Variants in ECPAS observed in about 807,000 individuals in gnomAD.
ECPAS encodes the protein proteasome adapter and scaffold protein ECM29.
ECPAS carries 70 observed loss-of-function variants against 255.1 expected under a neutral mutation model. That is an observed-to-expected ratio of 0.27 (90% confidence interval 0.23 to 0.33). ECPAS has a LOEUF of 0.33. Ranked by LOEUF, ECPAS falls within the 10% of genes least tolerant of loss-of-function variation. ECPAS has a pLI of 1.00. For missense variants in ECPAS, 1,817 were observed against 2,206.4 expected (o/e 0.82, Z 3.54); for synonymous variants, 784 against 775.0 (o/e 1.01, Z -0.19).
chr9:111,434,744 G>A (rs1053996690), intron 7 of ECPAS, among the ~76,000 whole-genome samples: 6 of 151,390 alleles, frequency 4.0e-5, no homozygotes, highest in East Asian at 1.9e-4. Context: ...CACACACACC[G>A]CCATGCCCGG....
intron 6 of ECPAS, among the ~76,000 whole-genome samples, chr9:111,437,830 TA>T (rs2098240340): frequency 6.6e-6 from 1 of 152,176 alleles, no homozygotes; most frequent in Non-Finnish European, 1.5e-5. Context: ...TTGATCCAAT[TA>T]AACTGGTATT....
At chr9:111,391,912 A>G in intron 28 of ECPAS, 88 bp from the exon 29 acceptor site, 1 of 912,504 alleles carries the variant, frequency 1.1e-6, no homozygotes, top group East Asian at 2.6e-5. Flanking sequence ...AAGTGATAAA[A>G]CTTCCTATCA....
chr9:111,396,017 C>T (rs918287280), intron 25 of ECPAS, among the ~76,000 whole-genome samples: 8 of 152,270 alleles, frequency 5.3e-5, no homozygotes, highest in South Asian at 4.1e-4. Flanking sequence ...AATAGGTGAA[C>T]GCATTACCGT....
chr9:111,377,707 T>A (rs2098135014), intron 36 of ECPAS, among the ~76,000 whole-genome samples: 1 of 152,198 alleles, frequency 6.6e-6, no homozygotes, highest in Admixed American at 6.5e-5. Flanking sequence ...AAAAAGGAAT[T>A]TGAGAGAAGG....
At chr9:111,388,820 C>T (rs1810878250) in intron 31 of ECPAS, among the ~76,000 whole-genome samples, 1 of 151,936 alleles carries the variant, frequency 6.6e-6, no homozygotes, top group African/African-American at 2.4e-5. Context: ...TAAAGTATGA[C>T]ACCAAGTTTT....
chr9:111,386,043 T>C (rs1311927688), intron 32 of ECPAS, among the ~76,000 whole-genome samples: 1 of 152,196 alleles, frequency 6.6e-6, no homozygotes, highest in Non-Finnish European at 1.5e-5. Context: ...CACTGCAACC[T>C]CTGCCCCCTG....
At chr9:111,414,994 AACG>A (rs2098200973) in intron 18 of ECPAS, among the ~76,000 whole-genome samples, 2 of 152,170 alleles carry the variant, frequency 1.3e-5, no homozygotes, top group African/African-American at 2.4e-5. Context: ...AGAACTTCTG[AACG>A]CAAAGAAGCA....
chr9:111,443,283 C>T (rs1312126897), intron 4 of ECPAS, among the ~76,000 whole-genome samples: 1 of 152,196 alleles, frequency 6.6e-6, no homozygotes, highest in Admixed American at 6.5e-5. Context: ...CAGAGTCTCG[C>T]TCTGTCACCC....
intron 15 of ECPAS, 114 bp downstream of exon 15, chr9:111,421,807 C>A (rs1475940092): frequency 6.5e-6 from 8 of 1,238,238 alleles, no homozygotes; most frequent in Non-Finnish European, 8.9e-6. Context: ...TCCTAAATCA[C>A]AGCCCAAGTG....
chr9:111,448,919 T>A lies in ECPAS; in HGVS notation c.153+2506A>T, dbSNP rs528434625. 2.8e-4 allele frequency among the ~76,000 whole-genome samples: 42 copies of A among 151,942 alleles called. 1 individual carries two copies. The highest frequency in any genetic ancestry group is 3.9e-4 in the Admixed American group (6 of 15,286). ...AGAGAAATTCATAAGCTGAGGTCATTTTTGGTTCTTTTTTTTTAACATACT... is the reference window on the plus strand; with the variant it reads ...AGAGAAATTCATAAGCTGAGGTCATATTTGGTTCTTTTTTTTTAACATACT... On this transcript the variant is annotated intron_variant, in intron 3 of 49. Transcript: ENST00000684092.
At chr9:111,416,497 AC>A in intron 17 of ECPAS, 145 bp from the exon 18 acceptor site, 1 of 640,282 alleles carries the variant, frequency 1.6e-6, no homozygotes, top group Non-Finnish European at 2.8e-6. Flanking sequence ...TTTCCTATTA[AC>A]CATGCTGATC....
intron 7 of ECPAS, among the ~76,000 whole-genome samples, chr9:111,435,438 C>T (rs2098236574): frequency 6.6e-6 from 1 of 152,042 alleles, no homozygotes; most frequent in South Asian, 2.1e-4. Flanking sequence ...TGTAATTGAA[C>T]AATAACAATT....
chr9:111,408,563 A>AT lies in ECPAS; in HGVS notation c.2652+7dup. 1 of 1,482,912 alleles carries AT rather than the reference A, an allele frequency of 6.7e-7. No homozygotes were observed. Among genetic ancestry groups the AT allele is most frequent in the Non-Finnish European group, 9.0e-7 (1 of 1,111,442 alleles). The allele number at this position is 1,482,912 out of a possible 1,614,324, so 91.9% of individuals were successfully genotyped here. On this transcript the variant is annotated splice_region_variant and intron_variant, in intron 24 of 49. Coordinates refer to ENST00000684092, the MANE Select transcript of ECPAS (RefSeq NM_001364929.1). ...GAATAACTAACAATCAGGTAGCAATATAAATACCTCCACAGAATCCATCAG... is the reference window on the plus strand; with the variant it reads ...GAATAACTAACAATCAGGTAGCAATATTAAATACCTCCACAGAATCCATCAG...
chr9:111,465,384 A>T (rs2098278241), intron 2 of ECPAS, among the ~76,000 whole-genome samples: 1 of 151,922 alleles, frequency 6.6e-6, no homozygotes, highest in Non-Finnish European at 1.5e-5. Context: ...TACTTAAAAT[A>T]AAAAAATTAG....
Position 111,426,966 on chromosome 9 carries a change from C to T in ECPAS, c.1050+1076G>A, listed in dbSNP as rs1001651043. Among the ~76,000 whole-genome samples, 4 of 152,040 alleles carry T rather than the reference C, an allele frequency of 2.6e-5. No homozygotes were observed. The South Asian group carries it at 6.2e-4, about 24-fold the overall frequency. ...CCAGTCTGGGTGGCACAGAAAGACT[C>T]CGTCTCCAAAAAAACCACAAAAAGA... On this transcript the variant is annotated intron_variant, in intron 10 of 49. Coordinates refer to ENST00000684092, the MANE Select transcript of ECPAS (RefSeq NM_001364929.1).
chr9:111,466,616 TACACACACACACACACAC>T (rs55763374), intron 2 of ECPAS, among the ~76,000 whole-genome samples: 17 of 143,502 alleles, frequency 1.2e-4, no homozygotes, highest in Middle Eastern at 3.6e-3. Flanking sequence ...AATAACTAAA[TACACACACACACACACAC>T]ACACACACAC....
At chr9:111,463,888 T>C (rs944264780) in intron 2 of ECPAS, among the ~76,000 whole-genome samples, 1 of 152,266 alleles carries the variant, frequency 6.6e-6, no homozygotes, top group Middle Eastern at 3.4e-3. Flanking sequence ...AAGACATCTC[T>C]AGCAAAGTTG....
At chr9:111,452,146 A>C (rs2098261089) in intron 2 of ECPAS, among the ~76,000 whole-genome samples, 1 of 152,214 alleles carries the variant, frequency 6.6e-6, no homozygotes, top group South Asian at 2.1e-4. Context: ...AGTACACTGC[A>C]GCGGCAAGCA....
chr9:111,456,250 C>T (rs903795539), intron 2 of ECPAS, among the ~76,000 whole-genome samples: 7 of 152,024 alleles, frequency 4.6e-5, no homozygotes, highest in African/African-American at 1.7e-4. Flanking sequence ...AATTTTGAAG[C>T]CTGCATAAAG....
Sources: gnomAD v4.1 joint callset for allele counts (sites outside exome capture counted in the v4.1 genomes callset) on GRCh38, gnomAD v4.1.1 for gene constraint, MANE v1.5 for transcripts, NCBI Gene and HGNC (gene_info 2026-07-23, HGNC 2026-07-21) for gene names.